Variants in POU2F3 observed in about 807,000 individuals in gnomAD.
The protein encoded by POU2F3 is POU class 2 homeobox 3.
Under a neutral mutation model 59.2 loss-of-function variants are expected in POU2F3, and 23 were observed. The ratio of observed to expected loss-of-function variants is 0.39; its 90% CI spans 0.28 to 0.55. POU2F3 has a LOEUF of 0.55. POU2F3 is among the 20% of genes least tolerant of loss of function. The pLI, the probability that POU2F3 is intolerant of heterozygous loss-of-function variation, is 0.66. For synonymous variants in POU2F3, 190 were observed against 214.6 expected (o/e 0.89, Z 1.00); for missense variants, 473 against 544.5 (o/e 0.87, Z 1.31).
rs377543276 is a variant in POU2F3, at chr11:120,269,256, G to C, written c.132+12G>C. The C allele has an allele frequency of 6.3e-6, 10 of 1,576,216 alleles. No homozygotes were observed. Among genetic ancestry groups the C allele is most frequent in the Non-Finnish European group, 8.7e-6 (10 of 1,145,936 alleles). On this transcript the variant is annotated intron_variant, in intron 3 of 12. Transcript: ENST00000543440. ...ATTTCAACAGGCAGGTAAGAACTTG[G>C]GTCAGAAAGAAACGTTTATTCTATA...
rs1181765873 is a variant in POU2F3, at chr11:120,246,242, C to G, written c.29-207C>G. ...CACCGGGGAAAGGGGAAGAGAAAGG[C>G]AAGGAGAGGAGGCGAGCATGGGAGG... On this transcript the variant is annotated intron_variant, in intron 1 of 12. Transcript: ENST00000543440. 2.0e-5 allele frequency among the ~76,000 whole-genome samples: 3 copies of G among 151,888 alleles called. No individual in the cohort carries two copies. In the East Asian group the frequency reaches 5.8e-4, roughly 29 times the overall value.
At chr11:120,315,077 G>T (rs1010806493) in intron 10 of POU2F3, among the ~76,000 whole-genome samples, 105 of 152,358 alleles carry the variant, frequency 6.9e-4, no homozygotes. Flanking sequence ...CCTTCGGCTT[G>T]GCAGTGTCAA....
chr11:120,283,668 C>A (rs1231305191), intron 3 of POU2F3, among the ~76,000 whole-genome samples: 1 of 152,110 alleles, frequency 6.6e-6, no homozygotes. Flanking sequence ...CCCCACTTCC[C>A]ATCTCATTCT....
At chr11:120,248,464 T>G (rs1334305333) in intron 2 of POU2F3, among the ~76,000 whole-genome samples, 1 of 152,238 alleles carries the variant, frequency 6.6e-6, no homozygotes, top group African/African-American at 2.4e-5. Context: ...ACATGGCAGC[T>G]GTGATCGTCA....
chr11:120,319,833 C>G lies in POU2F3; in HGVS notation c.*1441C>G, dbSNP rs1419023645. 1.3e-5 allele frequency: 2 copies of G among 151,028 alleles called. No individual in the cohort carries two copies. The highest frequency in any genetic ancestry group is 3.0e-5 in the Non-Finnish European group (2 of 67,608). 9.4% of individuals were successfully genotyped at this position (151,028 alleles called of 1,614,324 possible). A position where few individuals can be genotyped will look rare whatever the true frequency, so the allele number is the denominator to read the frequency against. On this transcript the variant is annotated 3_prime_UTR_variant, in exon 13 of 13. Coordinates refer to ENST00000543440, the MANE Select transcript of POU2F3 (RefSeq NM_014352.4). The stretch of plus-strand genomic sequence containing the variant: ...CAGTTTGTAGAGATGTAACATGAAG[C>G]CATTCCAGAAATGGTAACTTAAAAA...
At position 120,265,310 on chromosome 11, in the gene POU2F3, C is replaced by T. The variant is rs568205705; in HGVS notation, c.98-3900C>T. 7.2e-5 allele frequency: 11 copies of T among 152,366 alleles called. No individual in the cohort carries two copies. In the East Asian group the frequency reaches 2.1e-3, roughly 29 times the overall value. The allele number at this position is 152,366 out of a possible 1,614,324, so 9.4% of individuals were successfully genotyped here. ...CGGAGACATGAGGGAGGCCATGTCTCCCAAGAGCTGTCTTACCTGAGTGCC... is the reference window on the plus strand; with the variant it reads ...CGGAGACATGAGGGAGGCCATGTCTTCCAAGAGCTGTCTTACCTGAGTGCC... On this transcript the variant is annotated intron_variant, in intron 2 of 12. Coordinates refer to ENST00000543440, the MANE Select transcript of POU2F3 (RefSeq NM_014352.4).
chr11:120,278,137 C>T (rs1940411044), intron 3 of POU2F3, among the ~76,000 whole-genome samples: 1 of 152,118 alleles, frequency 6.6e-6, no homozygotes, highest in South Asian at 2.1e-4. Context: ...TTTGTGTTCA[C>T]ATAAAAAATA....
At chr11:120,246,652 G>T in intron 2 of POU2F3, 135 bp downstream of exon 2, 2 of 838,300 alleles carry the variant, frequency 2.4e-6, no homozygotes, top group South Asian at 3.2e-5. Flanking sequence ...GGAACTAAGG[G>T]AATTCCCTGA....
At chr11:120,288,681 A>G (rs1940908441) in intron 3 of POU2F3, among the ~76,000 whole-genome samples, 1 of 152,200 alleles carries the variant, frequency 6.6e-6, no homozygotes, top group Non-Finnish European at 1.5e-5. Flanking sequence ...ATGGAGATGT[A>G]CAAGTGAGGT....
chr11:120,304,953 A>T lies in POU2F3; in HGVS notation c.445-77A>T. ...AGTGGGCCTATTAGTAAAAAAAAAA[A>T]AAAAAAAAAAAAAAAAAATCAGAAA... On this transcript the variant is annotated intron_variant, in intron 6 of 12. Transcript: ENST00000543440. 8.4e-6 allele frequency: 8 copies of T among 948,886 alleles called. No homozygotes were observed. In the East Asian group the frequency reaches 7.7e-4, roughly 92 times the overall value. The allele number at this position is 948,886 out of a possible 1,614,324, so 58.8% of individuals were successfully genotyped here.
chr11:120,238,881 C>A (rs1175099804), upstream of POU2F3, among the ~76,000 whole-genome samples: 3 of 148,906 alleles, frequency 2.0e-5, no homozygotes, highest in African/African-American at 7.4e-5. Context: ...ACTCTCTAAG[C>A]CTCATTTTCC....
chr11:120,269,773 T>A (rs1939983435), intron 3 of POU2F3, among the ~76,000 whole-genome samples: 1 of 151,900 alleles, frequency 6.6e-6, no homozygotes, highest in Non-Finnish European at 1.5e-5. Flanking sequence ...GGAAACCAAG[T>A]TGAATGAGGT....
chr11:120,313,841 CTG>C (rs1161654036), intron 10 of POU2F3, among the ~76,000 whole-genome samples: 4 of 152,142 alleles, frequency 2.6e-5, no homozygotes, highest in African/African-American at 9.7e-5. Context: ...TGGCAAAACC[CTG>C]TCTCTACTAA....
At chr11:120,306,163 G>A (rs1941480378) in intron 8 of POU2F3, among the ~76,000 whole-genome samples, 1 of 152,142 alleles carries the variant, frequency 6.6e-6, no homozygotes, top group Admixed American at 6.5e-5. Context: ...AGGGCAGTGG[G>A]GCCTCTAGGG....
In POU2F3 at chr11:120,241,777, T is replaced by C. The variant is rs1437796055; in HGVS notation, c.28+1406T>C. ...CCTGGGGGTTTTCCACCTCCTTGTC[T>C]ACTGGAGGCTCCCATTCTGTGGAAG... On this transcript the variant is annotated intron_variant, in intron 1 of 12. Coordinates refer to ENST00000543440, the MANE Select transcript of POU2F3 (RefSeq NM_014352.4). Among the ~76,000 whole-genome samples, 3 of 152,074 alleles carry C rather than the reference T, an allele frequency of 2.0e-5. No homozygotes were observed. The East Asian group carries it at 5.8e-4, about 29-fold the overall frequency.
chr11:120,308,430 G>A (rs114941153), intron 9 of POU2F3, among the ~76,000 whole-genome samples: 3,214 of 152,292 alleles, frequency 0.021, 118 homozygotes, highest in African/African-American at 0.073. Flanking sequence ...CAGAATGACA[G>A]GAACTGGCTT....
At chr11:120,238,562 C>T (rs1378660252), upstream of POU2F3, among the ~76,000 whole-genome samples, 8 of 151,792 alleles carry the variant, frequency 5.3e-5, no homozygotes, top group Non-Finnish European at 1.2e-4. Context: ...TTAGGCTGGG[C>T]GTGGTGGCTC....
At chr11:120,270,729 G>T (rs1166804262) in intron 3 of POU2F3, among the ~76,000 whole-genome samples, 1 of 152,154 alleles carries the variant, frequency 6.6e-6, no homozygotes, top group Non-Finnish European at 1.5e-5. Flanking sequence ...CTATCACTCT[G>T]TTGCCTAGGC....
chr11:120,255,721 G>A (rs1225581854), intron 2 of POU2F3, among the ~76,000 whole-genome samples: 3 of 152,070 alleles, frequency 2.0e-5, no homozygotes, highest in South Asian at 2.1e-4. Flanking sequence ...GCTGGGCTGG[G>A]TGTTATAACT....
Sources: gnomAD v4.1 joint callset for allele counts (sites outside exome capture counted in the v4.1 genomes callset) on GRCh38, gnomAD v4.1.1 for gene constraint, MANE v1.5 for transcripts, NCBI Gene and HGNC (gene_info 2026-07-23, HGNC 2026-07-21) for gene names.